The following AFAP1 variants were observed in gnomAD, a reference collection of about 807,000 sequenced individuals.
AFAP1 encodes the protein actin filament associated protein 1.
In AFAP1, 75 loss-of-function variants were observed where a neutral mutation model predicts 93.9. The observed-to-expected ratio is 0.80, with a 90% CI of 0.66 to 0.97. The LOEUF (loss-of-function observed/expected upper bound fraction) is 0.97, where lower values mean the gene tolerates loss of function less well. Ranked by LOEUF, AFAP1 falls within the 50% of genes least tolerant of loss-of-function variation. AFAP1 has a pLI of 0.00. For missense variants in AFAP1, 1,201 were observed against 1,050.8 expected, an observed-to-expected ratio of 1.14 and a Z score of -1.98; for synonymous variants, 517 against 430.7, an observed-to-expected ratio of 1.20 and a Z score of -2.48.
At chr4:7,935,534 G>C (rs906965800) in intron 1 of AFAP1, among the ~76,000 whole-genome samples, 1 of 152,194 alleles carries the variant, frequency 6.6e-6, no homozygotes, top group African/African-American at 2.4e-5. Context: ...GAGGAAGGTA[G>C]ACAGCAAAGA....
At chr4:7,873,793 A>G (rs1347634542) in intron 1 of AFAP1, among the ~76,000 whole-genome samples, 1 of 152,190 alleles carries the variant, frequency 6.6e-6, no homozygotes, top group Non-Finnish European at 1.5e-5. Flanking sequence ...TGTTGCACAC[A>G]GCACTATCTT....
intron 10 of AFAP1, among the ~76,000 whole-genome samples, chr4:7,796,641 C>T (rs567224865): frequency 1.3e-5 from 2 of 151,674 alleles, no homozygotes; most frequent in Non-Finnish European, 2.9e-5. Flanking sequence ...ATCCCAGCTA[C>T]TCAGGAGGCT....
At chr4:7,781,799 C>G (rs1716803618) in intron 12 of AFAP1, among the ~76,000 whole-genome samples, 172 bp from the exon 13 acceptor site, 1 of 152,154 alleles carries the variant, frequency 6.6e-6, no homozygotes, top group Admixed American at 6.5e-5. Context: ...CACCACCCCC[C>G]TCCCACACAC....
chr4:7,788,595 C>T (rs572700475), intron 11 of AFAP1: 1 of 152,174 alleles, frequency 6.6e-6, no homozygotes, highest in Non-Finnish European at 1.5e-5. Flanking sequence ...AGAAAACATA[C>T]AAGAAGGAAA....
At chr4:7,863,069 C>CGAAATGCAATCAGTCTGATAGCT in intron 3 of AFAP1, among the ~76,000 whole-genome samples, 1 of 152,320 alleles carries the variant, frequency 6.6e-6, no homozygotes, top group South Asian at 2.1e-4. Context: ...TTGCTGCAAA[C>CGAAATGCAATCAGTCTGATAGCT]GAAATGCAAT....
chr4:7,769,238 C>CCT (rs1715066942), intron 16 of AFAP1, among the ~76,000 whole-genome samples: 1 of 152,174 alleles, frequency 6.6e-6, no homozygotes, highest in African/African-American at 2.4e-5. Context: ...CCAAGGGGTG[C>CCT]TCTGACTCCC....
chr4:7,795,405 CTTTTTTTTTTTTTTTTTTTTTT>C lies in AFAP1; in HGVS notation c.1267-1601_1267-1580del, dbSNP rs35550085. ...TCTTATGTCCTTCCTAAAACAAAAT[CTTTTTTTTTTTTTTTTTTTTTT>C]TTTTTTTTTTTTTTTTGAGACAGAG... On this transcript the variant is annotated intron_variant, in intron 10 of 17. Coordinates refer to ENST00000420658, the MANE Select transcript of AFAP1 (RefSeq NM_001134647.2). Among the ~76,000 whole-genome samples, 490 of 62,114 alleles carry C rather than the reference CTTTTTTTTTTTTTTTTTTTTTT, an allele frequency of 7.9e-3. 6 individuals are homozygous for C. Among genetic ancestry groups the C allele is most frequent in the African/African-American group, 0.016 (208 of 12,928 alleles). The allele number at this position is 62,114 out of a possible 152,430, so 40.7% of individuals were successfully genotyped here.
chr4:7,855,484 G>T lies in AFAP1; in HGVS notation c.316C>A (p.Pro106Thr). 6.2e-7 allele frequency: 1 copy of T among 1,611,564 alleles called. No individual in the cohort carries two copies. Residue 106 changes from proline to threonine, a missense_variant, in exon 4 of 18, where the codon CCG becomes ACG. Physicochemically the swap from Pro to Thr is conservative, Grantham distance 38. Transcript: ENST00000420658. ...CACTCACTTGATGTGATGTATTCCG[G>T]AGCTTTTCCGGGGCTCAGCGGCACA... ...EAVPLSPGKA[P>T]EYITSNYDSD... is the part of the protein sequence containing the mutation.
At chr4:7,842,256 A>G (rs960455129) in intron 5 of AFAP1, among the ~76,000 whole-genome samples, 3 of 148,166 alleles carry the variant, frequency 2.0e-5, no homozygotes, top group Non-Finnish European at 3.0e-5. Context: ...GAACTTAGTA[A>G]AACAAAAAAA....
intron 1 of AFAP1, among the ~76,000 whole-genome samples, chr4:7,914,990 C>T (rs1248541764): frequency 6.6e-6 from 1 of 152,150 alleles, no homozygotes; most frequent in Non-Finnish European, 1.5e-5. Flanking sequence ...CTCAAATGAT[C>T]CGCCCACTTC....
At chr4:7,839,435 TTA>T (rs1369941530) in intron 5 of AFAP1, among the ~76,000 whole-genome samples, 2 of 151,882 alleles carry the variant, frequency 1.3e-5, no homozygotes, top group African/African-American at 4.8e-5. Flanking sequence ...ACATTTATAT[TTA>T]TGTGAATAAT....
At chr4:7,799,981 A>T (rs1718867187) in intron 10 of AFAP1, among the ~76,000 whole-genome samples, 1 of 152,208 alleles carries the variant, frequency 6.6e-6, no homozygotes, top group African/African-American at 2.4e-5. Flanking sequence ...ATGGCCCCAA[A>T]AAGTCTTCCA....
At chr4:7,767,216 G>A (rs1353945259) in intron 17 of AFAP1, among the ~76,000 whole-genome samples, 1 of 152,188 alleles carries the variant, frequency 6.6e-6, no homozygotes, top group Non-Finnish European at 1.5e-5. Context: ...GGACCCATCT[G>A]GACAGCTGGC....
intron 8 of AFAP1, 29 bp downstream of exon 8, chr4:7,815,989 T>C (rs368518060): frequency 6.4e-6 from 10 of 1,569,932 alleles, no homozygotes; most frequent in South Asian, 2.3e-5. Context: ...TTTTAGTGTA[T>C]ATATGTTTTT....
rs1306383114 is a variant in AFAP1 at position 7,843,411 on chromosome 4, G to A, written c.335-61C>T. ...TCTTTACCTTGAAGTTTACCCGTGGGCTCAAGAGCACGTCCTCTTATTTTT... is the reference window on the plus strand; with the variant it reads ...TCTTTACCTTGAAGTTTACCCGTGGACTCAAGAGCACGTCCTCTTATTTTT... On this transcript the variant is annotated intron_variant, in intron 4 of 17. Transcript: ENST00000420658. 5 of 1,449,214 alleles carry A rather than the reference G, an allele frequency of 3.5e-6. No homozygotes were observed. In the African/African-American group the frequency reaches 4.3e-5, roughly 12 times the overall value. 89.8% of individuals were successfully genotyped at this position (1,449,214 alleles called of 1,614,324 possible). A position where few individuals can be genotyped will look rare whatever the true frequency, so the allele number is the denominator to read the frequency against.
chr4:7,797,240 C>T (rs1320947410), intron 10 of AFAP1, among the ~76,000 whole-genome samples: 1 of 152,124 alleles, frequency 6.6e-6, no homozygotes, highest in East Asian at 1.9e-4. Flanking sequence ...ATGATTGTTA[C>T]AGGCAAAGAG....
rs1223702874 is a variant in AFAP1, at chr4:7,761,078, G to C, written c.*2687C>G. ...TGTTCCTGGGGCATGTTTTGGGAGG[G>C]GAATAAAATGACATCACTGTCAGAA... On this transcript the variant is annotated 3_prime_UTR_variant, in exon 18 of 18. Transcript: ENST00000420658. 1 of 152,222 alleles carries C rather than the reference G, an allele frequency of 6.6e-6. No homozygotes were observed. Among genetic ancestry groups the C allele is most frequent in the African/African-American group, 2.4e-5 (1 of 41,456 alleles). 9.4% of individuals were successfully genotyped at this position (152,222 alleles called of 1,614,324 possible).
Position 7,768,976 on chromosome 4 carries a change from G to A in AFAP1, c.2286C>T (p.Asn762=), listed in dbSNP as rs376912459. Residue 762 remains asparagine, a synonymous_variant, in exon 17 of 18, where the codon AAC becomes AAT. Coordinates refer to ENST00000420658, the MANE Select transcript of AFAP1 (RefSeq NM_001134647.2). ...SPVFRHRTLE[N]SPISSCDTSD... ...TGGTGTCACAGCTGGAGATGGGCGA[G>A]TTTTCCAGGGTCCGGTGCCGGAACA... 7.5e-5 allele frequency: 121 copies of A among 1,613,564 alleles called. No individual in the cohort carries two copies. Among genetic ancestry groups the A allele is most frequent in the Middle Eastern group, 6.6e-4 (4 of 6,054 alleles).
chr4:7,857,278 T>C (rs899269998), intron 3 of AFAP1, among the ~76,000 whole-genome samples: 3 of 152,130 alleles, frequency 2.0e-5, no homozygotes, highest in Admixed American at 2.0e-4. Flanking sequence ...TACGACTCCA[T>C]CGCTTTCTAT....
Sources: gnomAD v4.1 joint callset for allele counts (sites outside exome capture counted in the v4.1 genomes callset) on GRCh38, gnomAD v4.1.1 for gene constraint, MANE v1.5 for transcripts, NCBI Gene and HGNC (gene_info 2026-07-23, HGNC 2026-07-21) for gene names.